The following SCOC variants were observed in gnomAD, a reference collection of about 807,000 sequenced individuals.
SCOC encodes the protein short coiled-coil protein, also known as short coiled coil protein.
In SCOC, 7 loss-of-function variants were observed where a neutral mutation model predicts 9.9. That is an observed-to-expected ratio of 0.71 (90% CI 0.40 to 1.33). SCOC has a LOEUF of 1.33. SCOC is among the 40% of genes most tolerant of loss of function. The pLI is 0.01. For missense variants in SCOC, 66 were observed against 89.7 expected (o/e 0.74, Z 1.07); for synonymous variants, 19 against 28.2 (o/e 0.67, Z 1.03).
chr4:140,357,601 C>A (rs1727285091), intron 2 of SCOC, among the ~76,000 whole-genome samples: 1 of 152,278 alleles, frequency 6.6e-6, no homozygotes, highest in East Asian at 1.9e-4. Context: ...AAGTTGTTAA[C>A]CTTAATTTCC....
intron 1 of SCOC, among the ~76,000 whole-genome samples, chr4:140,295,190 G>A (rs1731586366): frequency 6.6e-6 from 1 of 152,218 alleles, no homozygotes; most frequent in South Asian, 2.1e-4. Context: ...TGAAGAAAAT[G>A]CTTATGATAT....
intron 1 of SCOC, among the ~76,000 whole-genome samples, chr4:140,264,708 C>T (rs1459910665): frequency 2.6e-5 from 4 of 152,164 alleles, no homozygotes; most frequent in African/African-American, 9.7e-5. Flanking sequence ...ATGTACACAT[C>T]CCGATAGGTG....
intron 1 of SCOC, among the ~76,000 whole-genome samples, chr4:140,288,393 C>T (rs1227205509): frequency 2.0e-5 from 3 of 151,984 alleles, no homozygotes; most frequent in African/African-American, 7.3e-5. Flanking sequence ...CACATGCAAA[C>T]ACCATGCAAA....
chr4:140,301,111 G>C (rs925446856), intron 1 of SCOC, among the ~76,000 whole-genome samples: 1 of 152,184 alleles, frequency 6.6e-6, no homozygotes, highest in Non-Finnish European at 1.5e-5. Flanking sequence ...GAATGGGAGT[G>C]GTGGATGGAG....
rs532061406 is a variant in SCOC at position 140,345,247 on chromosome 4, G to A, written c.70+1539G>A. ...CCGGCAACCACACGAGAGGACCAACGTCCCCTTGCTCCCAATTGCCGCCTC... is the reference window on the plus strand; with the variant it reads ...CCGGCAACCACACGAGAGGACCAACATCCCCTTGCTCCCAATTGCCGCCTC... On this transcript the variant is annotated intron_variant, in intron 2 of 4. Coordinates refer to the SCOC transcript ENST00000338517. Among the ~76,000 whole-genome samples the A allele has an allele frequency of 9.9e-5, 15 of 152,254 alleles. No individual in the cohort carries two copies. The East Asian group carries it at 2.7e-3, about 27-fold the overall frequency.
At position 140,361,685 on chromosome 4, in the gene SCOC, C is replaced by T. The variant is rs894984930; in HGVS notation, c.71-17436C>T. ...AAATAAATAAAATAATGTATTTTAA[C>T]GTAAAACTCTTTGGGTGGGACAAAC... On this transcript the variant is annotated intron_variant, in intron 2 of 4. Transcript: ENST00000338517. 6.6e-4 allele frequency among the ~76,000 whole-genome samples: 100 copies of T among 151,992 alleles called. 1 individual carries two copies. The highest frequency in any genetic ancestry group is 6.3e-3 in the Admixed American group (96 of 15,254).
chr4:140,359,287 G>A (rs1334620038), intron 2 of SCOC, among the ~76,000 whole-genome samples: 2 of 152,120 alleles, frequency 1.3e-5, no homozygotes, highest in Non-Finnish European at 2.9e-5. Flanking sequence ...GGTGGAAGCT[G>A]GCTGCTGGCT....
chr4:140,377,164 A>G (rs566754787), intron 1 of SCOC, among the ~76,000 whole-genome samples: 2 of 152,304 alleles, frequency 1.3e-5, no homozygotes, highest in South Asian at 2.1e-4. Flanking sequence ...TGGTATGAAA[A>G]GAGAATGACT....
At chr4:140,358,755 G>C (rs1018385581) in intron 2 of SCOC, among the ~76,000 whole-genome samples, 1 of 152,176 alleles carries the variant, frequency 6.6e-6, no homozygotes, top group East Asian at 1.9e-4. Context: ...CTAGGATTCT[G>C]AAATAGAAAA....
chr4:140,287,438 A>G (rs1317399784), intron 1 of SCOC, among the ~76,000 whole-genome samples: 1 of 151,880 alleles, frequency 6.6e-6, no homozygotes, highest in Non-Finnish European at 1.5e-5. Flanking sequence ...CCATGCACAT[A>G]CATATACCAT....
intron 1 of SCOC, among the ~76,000 whole-genome samples, chr4:140,271,955 A>C (rs1367278985): frequency 3.3e-5 from 5 of 152,144 alleles, no homozygotes; most frequent in Non-Finnish European, 7.3e-5. Flanking sequence ...GTGAAATTCC[A>C]GGAGGCACCC....
At chr4:140,332,513 A>G (rs1281029889) in intron 1 of SCOC, among the ~76,000 whole-genome samples, 2 of 151,582 alleles carry the variant, frequency 1.3e-5, no homozygotes, top group African/African-American at 2.4e-5. Context: ...TTAGTAGCTG[A>G]GACTACAGGC....
chr4:140,336,084 C>T (rs113830618), intron 1 of SCOC, among the ~76,000 whole-genome samples: 137 of 152,044 alleles, frequency 9.0e-4, no homozygotes, highest in African/African-American at 3.1e-3. Flanking sequence ...ACTAGTCTTC[C>T]GTTGAATTTG....
upstream of SCOC, among the ~76,000 whole-genome samples, chr4:140,340,677 G>A (rs1726478800): frequency 6.6e-6 from 1 of 150,442 alleles, no homozygotes; most frequent in Non-Finnish European, 1.5e-5. Flanking sequence ...TATTCACCAT[G>A]GATAATTTAA....
At chr4:140,276,315 T>C in intron 1 of SCOC, among the ~76,000 whole-genome samples, 1 of 152,016 alleles carries the variant, frequency 6.6e-6, no homozygotes, top group South Asian at 2.1e-4. Flanking sequence ...TTTTTGTATT[T>C]TTTAGTAGAG....
chr4:140,274,332 A>G (rs1027906405), intron 1 of SCOC, among the ~76,000 whole-genome samples: 3 of 152,156 alleles, frequency 2.0e-5, no homozygotes, highest in African/African-American at 7.2e-5. Flanking sequence ...GTTTTAGTTC[A>G]ATCTAGGCAT....
intron 2 of SCOC, among the ~76,000 whole-genome samples, chr4:140,347,835 C>T (rs1389196569): frequency 2.0e-5 from 3 of 152,128 alleles, no homozygotes; most frequent in Non-Finnish European, 4.4e-5. Flanking sequence ...ATATACCAGA[C>T]ATTACTCTTA....
chr4:140,362,242 C>G (rs766049306), intron 2 of SCOC, among the ~76,000 whole-genome samples: 1 of 105,918 alleles, frequency 9.4e-6, no homozygotes, highest in Non-Finnish European at 2.1e-5. Context: ...TGTTTTAAAA[C>G]AAACTAAAGA....
At chr4:140,301,717 G>T (rs190679080) in intron 1 of SCOC, among the ~76,000 whole-genome samples, 1 of 152,200 alleles carries the variant, frequency 6.6e-6, no homozygotes, top group South Asian at 2.1e-4. Flanking sequence ...ATGGCTGAAC[G>T]TGCATGTACT....
Sources: allele counts gnomAD v4.1 joint callset (sites outside exome capture counted in the v4.1 genomes callset), GRCh38; gene constraint gnomAD v4.1.1; transcripts MANE v1.5; gene names NCBI Gene and HGNC (gene_info 2026-07-23, HGNC 2026-07-21).